Variants in MRTFA observed in about 807,000 individuals in gnomAD.
MRTFA encodes myocardin related transcription factor A.
Under a neutral mutation model 83.5 loss-of-function variants are expected in MRTFA, and 20 were observed. The observed-to-expected ratio is 0.24, with a 90% CI of 0.17 to 0.35. The LOEUF (loss-of-function observed/expected upper bound fraction) is 0.35. Among genes scored for constraint, MRTFA ranks in the 10% least tolerant of loss-of-function variants. The pLI is 1.00. For synonymous variants in MRTFA, 659 were observed against 541.2 expected (o/e 1.22, Z -3.02); for missense variants, 1,200 against 1,224.7 (o/e 0.98, Z 0.30).
chr22:40,428,770 C>T (rs1270168110), intron 7 of MRTFA, among the ~76,000 whole-genome samples: 1 of 152,104 alleles, frequency 6.6e-6, no homozygotes, highest in Non-Finnish European at 1.5e-5. Context: ...GATCCTCCCG[C>T]CTCAGACTAC....
chr22:40,419,299 T>A lies in MRTFA; in HGVS notation c.1439A>T (p.Tyr480Phe), dbSNP rs1050999995. Residue 480 changes from tyrosine to phenylalanine, a missense_variant, in exon 12 of 15, where the codon TAT becomes TTT. Physicochemically the swap from Tyr to Phe is conservative, Grantham distance 22. Coordinates refer to ENST00000355630, the MANE Select transcript of MRTFA (RefSeq NM_020831.6). Reference sequence around the variant, plus strand: ...TGGCACAGGGCTGATTTGGTCTTGATAGGCTCGAAGGCGCTCAATCAGCTC... The same window carrying A: ...TGGCACAGGGCTGATTTGGTCTTGAAAGGCTCGAAGGCGCTCAATCAGCTC... The A allele has an allele frequency of 6.2e-7, 1 of 1,613,836 alleles. No individual in the cohort carries two copies. Among genetic ancestry groups the A allele is most frequent in the Admixed American group, 1.7e-5 (1 of 59,994 alleles).
rs573309531 is a variant in MRTFA at position 40,562,554 on chromosome 22, C to T, written c.-21-10187G>A. 7.6e-5 allele frequency among the ~76,000 whole-genome samples: 9 copies of T among 118,152 alleles called. No homozygotes were observed. The East Asian group carries it at 1.3e-3, about 17-fold the overall frequency. The allele number at this position is 118,152 out of a possible 152,430, so 77.5% of individuals were successfully genotyped here. Reference sequence around the variant, plus strand: ...AAAAGAAAAGAAGGGGAAAGAAAAACGGAAGGGAAGGGGAAGGGAAGGGGA... The same window carrying T: ...AAAAGAAAAGAAGGGGAAAGAAAAATGGAAGGGAAGGGGAAGGGAAGGGGA... On this transcript the variant is annotated intron_variant, in intron 2 of 14. Coordinates refer to ENST00000355630, the MANE Select transcript of MRTFA (RefSeq NM_020831.6).
chr22:40,420,825 G>A (rs2147073676), intron 10 of MRTFA, 22 bp downstream of exon 10: 1 of 1,612,096 alleles, frequency 6.2e-7, no homozygotes, highest in South Asian at 1.1e-5. Context: ...GCAGGGGCAG[G>A]CAGTGAGGAG....
intron 4 of MRTFA, among the ~76,000 whole-genome samples, chr22:40,454,030 G>C (rs1316649203): frequency 6.6e-6 from 1 of 152,220 alleles, no homozygotes; most frequent in African/African-American, 2.4e-5. Flanking sequence ...ATGCTGACTA[G>C]TGGTTCTTTG....
chr22:40,443,313 T>G (rs1475755921), intron 4 of MRTFA, among the ~76,000 whole-genome samples: 4 of 152,036 alleles, frequency 2.6e-5, no homozygotes, highest in African/African-American at 7.2e-5. Context: ...GGCTTCTGCT[T>G]CAGATGGGGT....
intron 1 of MRTFA, among the ~76,000 whole-genome samples, chr22:40,614,151 G>A (rs953887986): frequency 4.0e-5 from 6 of 151,490 alleles, no homozygotes; most frequent in East Asian, 1.9e-4. Flanking sequence ...GCAGTAAGCC[G>A]GGATCACACC....
intron 3 of MRTFA, among the ~76,000 whole-genome samples, chr22:40,489,420 G>A (rs1158224279): frequency 2.0e-5 from 3 of 151,748 alleles, no homozygotes; most frequent in Non-Finnish European, 4.4e-5. Flanking sequence ...CGTGAACATG[G>A]TTCTAGCCTC....
intron 2 of MRTFA, among the ~76,000 whole-genome samples, chr22:40,576,013 T>C (rs868524311): frequency 2.3e-4 from 35 of 151,656 alleles, no homozygotes; most frequent in Middle Eastern, 6.8e-3. Flanking sequence ...GCACCATATG[T>C]ATAGATGTAA....
intron 1 of MRTFA, among the ~76,000 whole-genome samples, chr22:40,608,664 C>CCATT (rs2056348105): frequency 6.6e-6 from 1 of 152,166 alleles, no homozygotes; most frequent in African/African-American, 2.4e-5. Context: ...TCCCTACTTT[C>CCATT]CATTCATTCA....
chr22:40,553,288 G>A (rs1182470410), intron 2 of MRTFA, among the ~76,000 whole-genome samples: 3 of 152,198 alleles, frequency 2.0e-5, no homozygotes, highest in Non-Finnish European at 2.9e-5. Flanking sequence ...GTAACAAAGA[G>A]CCTAACATTA....
Position 40,435,573 on chromosome 22 carries a change from T to TA in MRTFA, c.308-20dup. On this transcript the variant is annotated intron_variant, in intron 4 of 14. Transcript: ENST00000355630. ...TTCAAAGCTGTTGAGAGAAGAACCG[T>TA]AAAGATTACCTTCAAGCGAAGCATC... 5.6e-6 allele frequency: 9 copies of TA among 1,613,676 alleles called. No individual in the cohort carries two copies. The highest frequency in any genetic ancestry group is 7.6e-6 in the Non-Finnish European group (9 of 1,179,578).
At chr22:40,503,431 G>C (rs112482422) in intron 3 of MRTFA, among the ~76,000 whole-genome samples, 24 of 152,248 alleles carry the variant, frequency 1.6e-4, no homozygotes, top group African/African-American at 5.5e-4. Flanking sequence ...GGATGGTCTC[G>C]AACCCCTGGC....
chr22:40,484,022 C>G (rs1331425458), intron 3 of MRTFA, among the ~76,000 whole-genome samples: 1 of 151,680 alleles, frequency 6.6e-6, no homozygotes, highest in Non-Finnish European at 1.5e-5. Context: ...TACACCTGGC[C>G]CTTTTCTATG....
At chr22:40,460,414 T>A (rs184886114) in intron 4 of MRTFA, among the ~76,000 whole-genome samples, 1 of 152,360 alleles carries the variant, frequency 6.6e-6, no homozygotes, top group Admixed American at 6.5e-5. Flanking sequence ...AGTAGCATTA[T>A]GCTCTCAGAA....
At chr22:40,444,981 C>T (rs1413006856) in intron 4 of MRTFA, among the ~76,000 whole-genome samples, 7 of 152,130 alleles carry the variant, frequency 4.6e-5, no homozygotes, top group East Asian at 1.9e-4. Flanking sequence ...ATGGAAGAAT[C>T]GCCTGAGCTG....
At chr22:40,591,233 C>A (rs1210005076) in intron 2 of MRTFA, among the ~76,000 whole-genome samples, 1 of 149,654 alleles carries the variant, frequency 6.7e-6, no homozygotes, top group Non-Finnish European at 1.5e-5. Flanking sequence ...TATAAAATAA[C>A]AACTTTCCAC....
chr22:40,601,555 C>T (rs1423546077), intron 1 of MRTFA, among the ~76,000 whole-genome samples: 1 of 152,100 alleles, frequency 6.6e-6, no homozygotes, highest in African/African-American at 2.4e-5. Context: ...CTTATAGTAG[C>T]TGACAAAACA....
chr22:40,520,317 T>C (rs1462511759), intron 3 of MRTFA, among the ~76,000 whole-genome samples: 3 of 152,234 alleles, frequency 2.0e-5, no homozygotes, highest in Non-Finnish European at 4.4e-5. Context: ...TCACTCTCCA[T>C]TTCCTGTTCT....
Position 40,419,266 on chromosome 22 carries a change from G to C in MRTFA, c.1472C>G (p.Pro491Arg). 6.2e-7 allele frequency: 1 copy of C among 1,613,198 alleles called. No homozygotes were observed. Among genetic ancestry groups the C allele is most frequent in the Non-Finnish European group, 8.5e-7 (1 of 1,179,704 alleles). ...GATAGAGGTGGCGGCAGGGGCCTTG[G>C]GGGCTCCTGGCACAGGGCTGATTTG... Residue 491 changes from proline to arginine, a missense_variant, in exon 12 of 15, where the codon CCC (proline) becomes CGC (arginine). Pro to Arg is a moderately radical substitution (Grantham distance 103). Coordinates refer to ENST00000355630, the MANE Select transcript of MRTFA (RefSeq NM_020831.6).
Sources: allele counts gnomAD v4.1 joint callset (sites outside exome capture counted in the v4.1 genomes callset), GRCh38; gene constraint gnomAD v4.1.1; transcripts MANE v1.5; gene names NCBI Gene and HGNC (gene_info 2026-07-23, HGNC 2026-07-21).